FSTL5: variants seen among roughly 807,000 people sequenced by gnomAD.
FSTL5 encodes follistatin like 5, also known as follistatin-related protein 5.
Under a neutral mutation model 89.1 loss-of-function variants are expected in FSTL5, and 62 were observed. The observed-to-expected ratio is 0.70, with a 90% CI of 0.57 to 0.86. The LOEUF is 0.86. Among genes scored for constraint, FSTL5 ranks in the 40% least tolerant of loss-of-function variants. The pLI, the probability that FSTL5 is intolerant of heterozygous loss-of-function variation, is 0.00. For synonymous variants in FSTL5, 383 were observed against 346.2 expected (o/e 1.11, Z -1.18); for missense variants, 1,057 against 1,001.6 (o/e 1.06, Z -0.75).
At chr4:161,431,863 G>A (rs2126342376) in intron 15 of FSTL5, among the ~76,000 whole-genome samples, 1 of 152,060 alleles carries the variant, frequency 6.6e-6, no homozygotes, top group African/African-American at 2.4e-5. Flanking sequence ...ACTATAAAAG[G>A]CAAAGAAGAT....
At chr4:161,818,383 A>G (rs527547223) in intron 4 of FSTL5, among the ~76,000 whole-genome samples, 1 of 152,340 alleles carries the variant, frequency 6.6e-6, no homozygotes, top group South Asian at 2.1e-4. Context: ...CATCAAGGCA[A>G]GAACCCGGGG....
At chr4:161,619,085 G>A (rs1735007591) in intron 7 of FSTL5, among the ~76,000 whole-genome samples, 2 of 152,052 alleles carry the variant, frequency 1.3e-5, no homozygotes, top group South Asian at 4.1e-4. Flanking sequence ...AACAAGAAAT[G>A]GGGAAAGGAT....
chr4:161,657,970 G>C (rs544468202), intron 6 of FSTL5, among the ~76,000 whole-genome samples: 3 of 152,256 alleles, frequency 2.0e-5, no homozygotes, highest in African/African-American at 7.2e-5. Context: ...AAGTGAACAG[G>C]AATGCTCTTG....
intron 4 of FSTL5, among the ~76,000 whole-genome samples, chr4:161,914,489 A>G (rs1733785725): frequency 6.6e-6 from 1 of 152,190 alleles, no homozygotes; most frequent in Non-Finnish European, 1.5e-5. Flanking sequence ...ATTAAGTTAT[A>G]GATCTAATAG....
chr4:162,076,887 T>G (rs1320604884), intron 2 of FSTL5, among the ~76,000 whole-genome samples: 1 of 151,662 alleles, frequency 6.6e-6, no homozygotes, highest in Non-Finnish European at 1.5e-5. Context: ...TAAATTAAAT[T>G]TATAACTTTG....
At chr4:161,891,983 C>CT (rs1200415855) in intron 4 of FSTL5, among the ~76,000 whole-genome samples, 1 of 151,976 alleles carries the variant, frequency 6.6e-6, no homozygotes, top group Non-Finnish European at 1.5e-5. Flanking sequence ...GAATGACTAG[C>CT]TTTGACAGTT....
intron 3 of FSTL5, among the ~76,000 whole-genome samples, chr4:161,956,443 A>G (rs143337107): frequency 2.0e-5 from 3 of 152,054 alleles, no homozygotes; most frequent in Admixed American, 6.6e-5. Flanking sequence ...CCTCACAATT[A>G]AAAAGAACAA....
At chr4:161,667,484 T>A (rs185485984) in intron 6 of FSTL5, among the ~76,000 whole-genome samples, 1 of 152,192 alleles carries the variant, frequency 6.6e-6, no homozygotes, top group East Asian at 1.9e-4. Context: ...CTAAGTACAT[T>A]GTAGGTAACA....
intron 4 of FSTL5, among the ~76,000 whole-genome samples, chr4:161,858,134 A>G (rs1300571513): frequency 6.6e-6 from 1 of 152,152 alleles, no homozygotes; most frequent in Non-Finnish European, 1.5e-5. Flanking sequence ...TATATTAATA[A>G]AAGAGGCCTC....
chr4:161,833,754 T>A (rs555584434), intron 4 of FSTL5, among the ~76,000 whole-genome samples: 3 of 152,034 alleles, frequency 2.0e-5, no homozygotes, highest in Non-Finnish European at 1.5e-5. Flanking sequence ...CTCCATCCTT[T>A]TATTTTGAGC....
chr4:161,829,723 T>C (rs915903125), intron 4 of FSTL5, among the ~76,000 whole-genome samples: 1 of 152,062 alleles, frequency 6.6e-6, no homozygotes, highest in African/African-American at 2.4e-5. Flanking sequence ...CATCTGTGCT[T>C]TCTAAATGGT....
chr4:161,642,091 A>T (rs1477970466), intron 7 of FSTL5, among the ~76,000 whole-genome samples: 2 of 152,168 alleles, frequency 1.3e-5, no homozygotes, highest in Non-Finnish European at 2.9e-5. Flanking sequence ...CAGCTTGATG[A>T]TTCGATATAT....
intron 7 of FSTL5, among the ~76,000 whole-genome samples, chr4:161,591,529 AT>A (rs67277941): frequency 0.17 from 26,063 of 152,044 alleles, 2,298 homozygotes; most frequent in Middle Eastern, 0.32. Context: ...ATCCAAAAAA[AT>A]AAATATGCCA....
rs184128226 is a variant in FSTL5, at chr4:161,400,098, A to T, written c.1842-13649T>A. ...TCATTTCTTCACATTTCTAGACTAC[A>T]CGGTTGTTCTGAGAATTTTTTCAAA... On this transcript the variant is annotated intron_variant, in intron 15 of 15. Transcript: ENST00000306100. Among the ~76,000 whole-genome samples, 342 of 152,172 alleles carry T rather than the reference A, an allele frequency of 2.2e-3. 1 individual carries two copies. Among genetic ancestry groups the T allele is most frequent in the African/African-American group, 7.8e-3 (325 of 41,536 alleles).
intron 6 of FSTL5, among the ~76,000 whole-genome samples, chr4:161,684,166 C>T (rs1466406965): frequency 1.3e-5 from 2 of 151,610 alleles, no homozygotes; most frequent in African/African-American, 2.4e-5. Context: ...ATTTCTTTAA[C>T]CACTCGTTGA....
chr4:162,093,213 A>C (rs545885521), intron 2 of FSTL5, among the ~76,000 whole-genome samples: 218 of 152,100 alleles, frequency 1.4e-3, no homozygotes, highest in African/African-American at 5.1e-3. Flanking sequence ...ACAAAGAAAA[A>C]CCACTGAAAT....
At chr4:161,741,112 G>A (rs1348738125) in intron 6 of FSTL5, among the ~76,000 whole-genome samples, 2 of 152,152 alleles carry the variant, frequency 1.3e-5, no homozygotes, top group African/African-American at 2.4e-5. Flanking sequence ...ATCTGGTGGA[G>A]ACAAACACAT....
chr4:161,626,412 T>C (rs1191675532), intron 7 of FSTL5, among the ~76,000 whole-genome samples: 3 of 152,156 alleles, frequency 2.0e-5, no homozygotes, highest in African/African-American at 4.8e-5. Flanking sequence ...GCCTGGATCA[T>C]AGCACATCTG....
At chr4:162,062,350 T>C (rs540078853) in intron 2 of FSTL5, among the ~76,000 whole-genome samples, 3 of 152,084 alleles carry the variant, frequency 2.0e-5, no homozygotes, top group Admixed American at 6.6e-5. Flanking sequence ...ATTCCTAACA[T>C]TGTGTACTTG....
Sources: allele counts gnomAD v4.1 joint callset (sites outside exome capture counted in the v4.1 genomes callset), GRCh38; gene constraint gnomAD v4.1.1; transcripts MANE v1.5; gene names NCBI Gene and HGNC (gene_info 2026-07-23, HGNC 2026-07-21).